The following HS2ST1 variants were observed in gnomAD, a reference collection of about 807,000 sequenced individuals.
HS2ST1 encodes heparan sulfate 2-O-sulfotransferase 1.
HS2ST1 carries 18 observed loss-of-function variants against 42.9 expected under a neutral mutation model. That is an observed-to-expected ratio of 0.42 (90% confidence interval 0.29 to 0.62). The LOEUF (loss-of-function observed/expected upper bound fraction) is 0.62. Among genes scored for constraint, HS2ST1 ranks in the 20% least tolerant of loss-of-function variants. The pLI, the probability that HS2ST1 is intolerant of heterozygous loss-of-function variation, is 0.21. For synonymous variants in HS2ST1, 146 were observed against 152.9 expected, an observed-to-expected ratio of 0.95 and a Z score of 0.33; for missense variants, 334 against 433.8, an observed-to-expected ratio of 0.77 and a Z score of 2.04.
At chr1:87,022,947 T>G (rs898532542) in intron 1 of HS2ST1, among the ~76,000 whole-genome samples, 4 of 152,192 alleles carry the variant, frequency 2.6e-5, no homozygotes, top group African/African-American at 9.6e-5. Context: ...CTCTGTAAGC[T>G]GAGGTGGATG....
At chr1:87,004,087 C>CA in intron 1 of HS2ST1, among the ~76,000 whole-genome samples, 1 of 152,016 alleles carries the variant, frequency 6.6e-6, no homozygotes, top group Admixed American at 6.6e-5. Context: ...TTTATTGATT[C>CA]AAAAAATATT....
intron 2 of HS2ST1, among the ~76,000 whole-genome samples, chr1:87,077,547 A>G (rs1275073838): frequency 2.6e-5 from 4 of 152,198 alleles, no homozygotes; most frequent in Admixed American, 6.5e-5. Context: ...TGTGTACTGT[A>G]TCACTCTTGT....
chr1:87,044,923 T>G (rs980533365), intron 1 of HS2ST1: 3 of 1,543,660 alleles, frequency 1.9e-6, no homozygotes, highest in Non-Finnish European at 2.6e-6. Context: ...TTTAGAGGCA[T>G]TTCTGTTCAA....
chr1:87,010,873 C>T (rs898275165), intron 1 of HS2ST1, among the ~76,000 whole-genome samples: 1 of 151,224 alleles, frequency 6.6e-6, no homozygotes, highest in Non-Finnish European at 1.5e-5. Context: ...GCAGCTTCCA[C>T]TTCCCGGGTT....
At chr1:87,069,838 A>C (rs1651356015) in intron 1 of HS2ST1, among the ~76,000 whole-genome samples, 1 of 152,246 alleles carries the variant, frequency 6.6e-6, no homozygotes, top group South Asian at 2.1e-4. Flanking sequence ...ATAATGAACC[A>C]AGAATAATAA....
intron 1 of HS2ST1, among the ~76,000 whole-genome samples, chr1:87,000,119 A>C (rs1227393843): frequency 1.5e-5 from 2 of 133,052 alleles, no homozygotes; most frequent in Non-Finnish European, 3.3e-5. Context: ...AAAAAAAAAA[A>C]CTAAATGAAA....
At chr1:87,084,173 G>T in intron 2 of HS2ST1, 21 bp from the exon 3 acceptor site, 1 of 1,412,394 alleles carries the variant, frequency 7.1e-7, no homozygotes, top group South Asian at 1.3e-5. Flanking sequence ...TGTATATAAT[G>T]AATGTGTTCT....
chr1:87,050,113 TTTAAG>T (rs1310115368), intron 1 of HS2ST1, among the ~76,000 whole-genome samples: 1 of 151,990 alleles, frequency 6.6e-6, no homozygotes. Context: ...TCCTTTTGCT[TTTAAG>T]TTATTTAATG....
chr1:87,087,488 G>A (rs903895307), intron 3 of HS2ST1, among the ~76,000 whole-genome samples: 2 of 152,008 alleles, frequency 1.3e-5, no homozygotes, highest in Admixed American at 6.6e-5. Context: ...CCATATTGCC[G>A]CTAGTATCAT....
At chr1:87,049,613 TAGTC>T (rs1388859752) in intron 1 of HS2ST1, among the ~76,000 whole-genome samples, 1 of 152,108 alleles carries the variant, frequency 6.6e-6, no homozygotes, top group Non-Finnish European at 1.5e-5. Context: ...AATTCTGTTT[TAGTC>T]AGAGAATATA....
chr1:86,985,200 A>G (rs1433073184), intron 1 of HS2ST1, among the ~76,000 whole-genome samples: 1 of 149,096 alleles, frequency 6.7e-6, no homozygotes, highest in Non-Finnish European at 1.5e-5. Flanking sequence ...CTAAAAATAC[A>G]AAAAATTAGC....
At chr1:86,924,953 T>C (rs546143248) in intron 1 of HS2ST1, among the ~76,000 whole-genome samples, 1 of 152,370 alleles carries the variant, frequency 6.6e-6, no homozygotes, top group African/African-American at 2.4e-5. Context: ...TCTATTGCAT[T>C]GTCAGTCTTA....
intron 1 of HS2ST1, among the ~76,000 whole-genome samples, chr1:86,935,965 A>G (rs1480800138): frequency 6.6e-6 from 1 of 152,194 alleles, no homozygotes; most frequent in East Asian, 1.9e-4. Flanking sequence ...CAGGAAATCG[A>G]TGGTGGTATG....
intron 1 of HS2ST1, among the ~76,000 whole-genome samples, chr1:86,920,992 G>C (rs1297262420): frequency 1.3e-5 from 2 of 152,090 alleles, no homozygotes; most frequent in Admixed American, 1.3e-4. Flanking sequence ...GTGAGGTAAT[G>C]CATGTTGTCT....
chr1:87,023,854 G>C (rs1202897867), intron 1 of HS2ST1, among the ~76,000 whole-genome samples: 1 of 151,962 alleles, frequency 6.6e-6, no homozygotes, highest in African/African-American at 2.4e-5. Flanking sequence ...TGCATTTTCA[G>C]ATTTTGATTT....
intron 1 of HS2ST1, among the ~76,000 whole-genome samples, chr1:87,053,913 A>AAAAATAAAG (rs869161564): frequency 7.2e-3 from 73 of 10,198 alleles, no homozygotes; most frequent in African/African-American, 0.019. Flanking sequence ...TAAAAATAAA[A>AAAAATAAAG]TTCTCTTTTT....
At chr1:86,964,464 C>T (rs1023834798) in intron 1 of HS2ST1, among the ~76,000 whole-genome samples, 2 of 152,222 alleles carry the variant, frequency 1.3e-5, no homozygotes, top group South Asian at 2.1e-4. Context: ...AGCGAAACCC[C>T]GTCTCCACCA....
chr1:86,986,552 TTAAAA>T (rs1202839452), intron 1 of HS2ST1, among the ~76,000 whole-genome samples: 43 of 152,226 alleles, frequency 2.8e-4, no homozygotes, highest in Non-Finnish European at 5.6e-4. Context: ...TTAGGTATCT[TTAAAA>T]TAAGATTATT....
intron 1 of HS2ST1, among the ~76,000 whole-genome samples, chr1:86,963,169 T>A (rs984532898): frequency 6.6e-6 from 1 of 152,066 alleles, no homozygotes; most frequent in African/African-American, 2.4e-5. Flanking sequence ...TTTTGTATTT[T>A]TTTTTTTTAA....
Sources: gnomAD v4.1 joint callset for allele counts (sites outside exome capture counted in the v4.1 genomes callset) on GRCh38, gnomAD v4.1.1 for gene constraint, MANE v1.5 for transcripts, NCBI Gene and HGNC (gene_info 2026-07-23, HGNC 2026-07-21) for gene names.